Variants in CAP2 observed in about 807,000 individuals in gnomAD.
CAP2 encodes adenylyl cyclase-associated protein 2.
In CAP2, 24 loss-of-function variants were observed where a neutral mutation model predicts 57.7. The ratio of observed to expected loss-of-function variants is 0.42; its 90% CI spans 0.30 to 0.58. The LOEUF (loss-of-function observed/expected upper bound fraction) is 0.58. Ranked by LOEUF, CAP2 falls within the 20% of genes least tolerant of loss-of-function variation. The pLI is 0.22. For missense variants in CAP2, 501 were observed against 590.3 expected, an observed-to-expected ratio of 0.85 and a Z score of 1.57; for synonymous variants, 194 against 207.2, an observed-to-expected ratio of 0.94 and a Z score of 0.55.
chr6:17,506,140 C>A, intron 4 of CAP2, among the ~76,000 whole-genome samples: 1 of 152,104 alleles, frequency 6.6e-6, no homozygotes, highest in East Asian at 1.9e-4. Context: ...CCCAAGCGAT[C>A]TTCCCGCCTA....
intron 4 of CAP2, among the ~76,000 whole-genome samples, chr6:17,472,117 G>A (rs1761036236): frequency 1.1e-5 from 1 of 89,374 alleles, no homozygotes; most frequent in African/African-American, 6.2e-5. Flanking sequence ...GGCGGATCAC[G>A]AGGTCAGGAG....
chr6:17,504,497 T>G (rs999715009), intron 4 of CAP2, among the ~76,000 whole-genome samples: 1 of 152,222 alleles, frequency 6.6e-6, no homozygotes, highest in African/African-American at 2.4e-5. Context: ...ACCATATTTT[T>G]CTCAGCACCC....
intron 3 of CAP2, among the ~76,000 whole-genome samples, chr6:17,429,402 A>G (rs2113543487): frequency 6.6e-6 from 1 of 151,954 alleles, no homozygotes; most frequent in Non-Finnish European, 1.5e-5. Flanking sequence ...AATTCTAGAT[A>G]GAAGCTTTTT....
chr6:17,519,635 A>G (rs1762347670), intron 7 of CAP2, among the ~76,000 whole-genome samples: 1 of 152,198 alleles, frequency 6.6e-6, no homozygotes, highest in East Asian at 1.9e-4. Context: ...GCACAAACCC[A>G]TTAGCAGCAC....
At chr6:17,405,318 G>T (rs71556108) in intron 1 of CAP2, among the ~76,000 whole-genome samples, 33,299 of 152,100 alleles carry the variant, frequency 0.22, 4,201 homozygotes, top group South Asian at 0.29. Context: ...GGAGGCAAAG[G>T]TTGCAGTGAG....
rs1296636463 is a variant in CAP2, at chr6:17,426,632, G to A, written c.164G>A (p.Ser55Asn). The change falls in exon 3 of 13, where the codon AGT (serine) becomes AAT (asparagine). Residue 55 changes from serine (S) to asparagine (N), a missense_variant. By Grantham distance (46) the Ser-to-Asn change is conservative. Transcript: ENST00000229922. ...SVEAFDKLMD[S>N]MVAEFLKNSR... Reference sequence around the variant, plus strand: ...GAAGCCTTTGACAAGCTGATGGACAGTATGGTGGCCGAGTTTTTAAAGAAC... The same window carrying A: ...GAAGCCTTTGACAAGCTGATGGACAATATGGTGGCCGAGTTTTTAAAGAAC... 1 of 1,614,082 alleles carries A rather than the reference G, an allele frequency of 6.2e-7. No individual in the cohort carries two copies. The highest frequency in any genetic ancestry group is 2.2e-5 in the East Asian group (1 of 44,880).
chr6:17,481,191 T>G (rs1035971317), intron 4 of CAP2, among the ~76,000 whole-genome samples: 3 of 152,138 alleles, frequency 2.0e-5, no homozygotes, highest in Non-Finnish European at 4.4e-5. Context: ...GCTGTTCACA[T>G]GTGCTTTTTG....
chr6:17,439,025 C>T lies in CAP2; in HGVS notation c.222+12335C>T, dbSNP rs527448181. Among the ~76,000 whole-genome samples, 19 of 150,632 alleles carry T rather than the reference C, an allele frequency of 1.3e-4. 1 individual carries two copies. Among genetic ancestry groups the T allele is most frequent in the African/African-American group, 4.4e-4 (18 of 40,458 alleles). On this transcript the variant is annotated intron_variant, in intron 3 of 12. Transcript: ENST00000229922. ...ACTTGGGAGGCTGGGGCAGGAGAAT[C>T]GCTTGAACCCAGGAGCCGGAGGTTG...
chr6:17,396,654 T>C (rs1170186343), intron 1 of CAP2, among the ~76,000 whole-genome samples: 1 of 151,998 alleles, frequency 6.6e-6, no homozygotes, highest in East Asian at 1.9e-4. Context: ...GGGCTGGAGG[T>C]GGGTTGAGTA....
intron 4 of CAP2, among the ~76,000 whole-genome samples, chr6:17,474,397 T>A (rs1298742833): frequency 6.6e-6 from 1 of 152,138 alleles, no homozygotes; most frequent in Admixed American, 6.5e-5. Flanking sequence ...CTGGAATCGT[T>A]TGTTAGATAA....
chr6:17,502,325 T>C (rs1229987260), intron 4 of CAP2, among the ~76,000 whole-genome samples: 2 of 152,220 alleles, frequency 1.3e-5, no homozygotes, highest in Non-Finnish European at 2.9e-5. Flanking sequence ...AGCTCCAGCT[T>C]TGATGGAAGT....
chr6:17,480,155 C>T (rs550986536), intron 4 of CAP2, among the ~76,000 whole-genome samples: 8 of 152,140 alleles, frequency 5.3e-5, no homozygotes, highest in South Asian at 2.1e-4. Context: ...TGCCATAATC[C>T]GTTGCCTATG....
chr6:17,433,735 C>T (rs952532819), intron 3 of CAP2, among the ~76,000 whole-genome samples: 2 of 152,306 alleles, frequency 1.3e-5, no homozygotes, highest in South Asian at 2.1e-4. Flanking sequence ...TTCCCAAGAA[C>T]GTGGAGAAGT....
At chr6:17,547,608 A>C (rs191776142) in intron 11 of CAP2, among the ~76,000 whole-genome samples, 1 of 152,014 alleles carries the variant, frequency 6.6e-6, no homozygotes, top group Non-Finnish European at 1.5e-5. Flanking sequence ...TTGGGAGGCC[A>C]AGGTGGGCAA....
intron 4 of CAP2, 108 bp from the exon 5 acceptor site, chr6:17,507,061 C>T: frequency 9.3e-7 from 1 of 1,076,142 alleles, no homozygotes; most frequent in Non-Finnish European, 1.4e-6. Flanking sequence ...TTTTAGACCC[C>T]TTAACAGACG....
intron 1 of CAP2, among the ~76,000 whole-genome samples, chr6:17,402,529 A>C (rs1345442941): frequency 6.6e-6 from 1 of 152,200 alleles, no homozygotes; most frequent in African/African-American, 2.4e-5. Context: ...TAAAGGATAA[A>C]CTCTAAAAAA....
chr6:17,539,525 G>T (rs369152850), intron 8 of CAP2, 67 bp downstream of exon 8: 5 of 1,244,544 alleles, frequency 4.0e-6, no homozygotes, highest in African/African-American at 3.0e-5. Context: ...CAAAAGAGCC[G>T]CTGGAGCCCC....
intron 7 of CAP2, among the ~76,000 whole-genome samples, chr6:17,532,440 T>C (rs1463440744): frequency 6.9e-6 from 1 of 145,140 alleles, no homozygotes; most frequent in East Asian, 2.4e-4. Context: ...CGCGCCCAGC[T>C]GGGTTTGAAA....
intron 1 of CAP2, among the ~76,000 whole-genome samples, chr6:17,419,899 G>A (rs144506650): frequency 6.6e-6 from 1 of 151,404 alleles, no homozygotes; most frequent in African/African-American, 2.4e-5. Flanking sequence ...TTGAGACAGA[G>A]TCTCACTCTG....
Sources: gnomAD v4.1 joint callset for allele counts (sites outside exome capture counted in the v4.1 genomes callset) on GRCh38, gnomAD v4.1.1 for gene constraint, MANE v1.5 for transcripts, NCBI Gene and HGNC (gene_info 2026-07-23, HGNC 2026-07-21) for gene names.